Variants in SMG6 observed in about 807,000 individuals in gnomAD.
SMG6 encodes the protein SMG6 nonsense mediated mRNA decay factor.
In SMG6, 66 loss-of-function variants were observed where a neutral mutation model predicts 142.2. That is an observed-to-expected ratio of 0.46 (90% confidence interval 0.38 to 0.57). The LOEUF (loss-of-function observed/expected upper bound fraction) is 0.57, where lower values mean the gene tolerates loss of function less well. Among genes scored for constraint, SMG6 ranks in the 20% least tolerant of loss-of-function variants. The probability of loss-of-function intolerance (pLI) is 0.00; values close to 1 mark genes in which losing one functional copy is unlikely to be tolerated. For missense variants in SMG6, 1,793 were observed against 1,832.0 expected (o/e 0.98, Z 0.39); for synonymous variants, 779 against 702.4 (o/e 1.11, Z -1.72).
At chr17:2,107,909 T>C (rs568359460) in intron 13 of SMG6, among the ~76,000 whole-genome samples, 2 of 152,308 alleles carry the variant, frequency 1.3e-5, no homozygotes, top group East Asian at 1.9e-4. Context: ...GGTATTTTGT[T>C]GTTCTCCTTC....
intron 8 of SMG6, among the ~76,000 whole-genome samples, chr17:2,281,784 A>C (rs959293243): frequency 6.6e-6 from 1 of 151,978 alleles, no homozygotes. Context: ...GGTGAATTTT[A>C]CCCTTAAGGC....
At chr17:2,258,032 A>ATAT (rs1567724395) in intron 8 of SMG6, among the ~76,000 whole-genome samples, 1 of 111,350 alleles carries the variant, frequency 9.0e-6, no homozygotes, top group Non-Finnish European at 1.8e-5. Context: ...AAAAAAAAAA[A>ATAT]AAATATACAC....
At chr17:2,135,835 G>A (rs1029129281) in intron 13 of SMG6, among the ~76,000 whole-genome samples, 4 of 151,540 alleles carry the variant, frequency 2.6e-5, no homozygotes, top group East Asian at 2.0e-4. Context: ...GACTACAGGC[G>A]CTACCACCAT....
intron 13 of SMG6, among the ~76,000 whole-genome samples, chr17:2,108,447 T>C (rs1275137744): frequency 6.6e-6 from 1 of 152,104 alleles, no homozygotes; most frequent in African/African-American, 2.4e-5. Context: ...TGAAACCCTG[T>C]CTCTACTAAA....
intron 12 of SMG6, among the ~76,000 whole-genome samples, chr17:2,185,720 G>T (rs2071960322): frequency 6.6e-6 from 1 of 151,314 alleles, no homozygotes; most frequent in Admixed American, 6.6e-5. Flanking sequence ...GAGGCATGGT[G>T]AGAAGACGGA....
At position 2,303,693 on chromosome 17, in the gene SMG6, T is replaced by G. The variant is rs1377117722; in HGVS notation, c.28A>C (p.Ile10Leu). ...ATCCCGCGCAGCTCCGACGCGGAGATCCGCACACGCTCCAGCCCTTCCGCC... is the reference window on the plus strand; with the variant it reads ...ATCCCGCGCAGCTCCGACGCGGAGAGCCGCACACGCTCCAGCCCTTCCGCC... MAEGLERVR[I>L]SASELRGILA... The change falls in exon 1 of 19, where the codon ATC (isoleucine) becomes CTC (leucine). Residue 10 changes from isoleucine (I) to leucine (L), a missense_variant. By Grantham distance (5) the Ile-to-Leu change is conservative. Around this residue, in one of 3 missense-constraint regions of SMG6, gnomAD observed 1,597 missense variants for 1,584.6 expected, o/e 1.01. Transcript: ENST00000263073. 6.7e-7 allele frequency: 1 copy of G among 1,496,658 alleles called. No individual in the cohort carries two copies. The highest frequency in any genetic ancestry group is 8.9e-7 in the Non-Finnish European group (1 of 1,129,446). The allele number at this position is 1,496,658 out of a possible 1,614,324, so 92.7% of individuals were successfully genotyped here.
intron 13 of SMG6, among the ~76,000 whole-genome samples, chr17:2,142,072 T>C (rs1187319720): frequency 1.3e-5 from 2 of 152,062 alleles, no homozygotes; most frequent in South Asian, 2.1e-4. Flanking sequence ...AGGATCTCAC[T>C]ATGGCTGGAC....
At chr17:2,226,184 A>G (rs2073311451) in intron 10 of SMG6, among the ~76,000 whole-genome samples, 1 of 151,898 alleles carries the variant, frequency 6.6e-6, no homozygotes. Context: ...CTGAGGCAGA[A>G]GAATTGCTTG....
intron 13 of SMG6, among the ~76,000 whole-genome samples, chr17:2,165,709 C>T (rs9906467): frequency 0.35 from 53,044 of 152,054 alleles, 10,019 homozygotes; most frequent in African/African-American, 0.5. Context: ...TGAGACCATC[C>T]TGGGCAACAC....
intron 10 of SMG6, among the ~76,000 whole-genome samples, chr17:2,208,450 A>G (rs1052401642): frequency 6.6e-6 from 1 of 152,230 alleles, no homozygotes; most frequent in Non-Finnish European, 1.5e-5. Flanking sequence ...CCACTAGCCT[A>G]GAAATCCCAA....
At chr17:2,244,613 T>C in intron 9 of SMG6, 45 bp downstream of exon 9, 1 of 1,489,714 alleles carries the variant, frequency 6.7e-7, no homozygotes, top group Non-Finnish European at 9.4e-7. Context: ...AATTCCAAAA[T>C]GACTTGTAAT....
chr17:2,091,800 A>G (rs2068726223), intron 13 of SMG6, among the ~76,000 whole-genome samples: 1 of 151,152 alleles, frequency 6.6e-6, no homozygotes, highest in Admixed American at 6.6e-5. Flanking sequence ...CCTCCCGAGT[A>G]GCTGGGACTA....
intron 13 of SMG6, among the ~76,000 whole-genome samples, chr17:2,124,093 C>T (rs561192536): frequency 6.6e-6 from 1 of 152,322 alleles, no homozygotes; most frequent in Non-Finnish European, 1.5e-5. Context: ...CATTCCAGAA[C>T]AACAACCCAG....
chr17:2,069,067 T>A (rs1230766975), intron 15 of SMG6, 136 bp from the exon 16 acceptor site: 2 of 848,258 alleles, frequency 2.4e-6, no homozygotes, highest in East Asian at 2.7e-5. Context: ...CCAGTCCCCG[T>A]CGGGTCTCAG....
intron 8 of SMG6, among the ~76,000 whole-genome samples, chr17:2,258,062 C>CACACATATATATATAT (rs1555567107): frequency 8.3e-6 from 1 of 120,322 alleles, no homozygotes; most frequent in Non-Finnish European, 1.7e-5. Flanking sequence ...CACACACACA[C>CACACATATATATATAT]ACACATATAT....
intron 13 of SMG6, among the ~76,000 whole-genome samples, chr17:2,091,484 G>A (rs1470627585): frequency 2.6e-5 from 4 of 152,118 alleles, no homozygotes; most frequent in Non-Finnish European, 5.9e-5. Context: ...CTGTGCAGGG[G>A]CTGAATGATA....
chr17:2,227,045 C>G (rs1465860741), intron 10 of SMG6, among the ~76,000 whole-genome samples: 2 of 152,098 alleles, frequency 1.3e-5, no homozygotes, highest in Non-Finnish European at 2.9e-5. Flanking sequence ...CACACATTTA[C>G]TAGAATAGCT....
chr17:2,073,140 G>A (rs1449391816), intron 15 of SMG6, among the ~76,000 whole-genome samples: 1 of 152,040 alleles, frequency 6.6e-6, no homozygotes, highest in Non-Finnish European at 1.5e-5. Flanking sequence ...CTGGAGTGTA[G>A]TGGCGTGATC....
intron 10 of SMG6, 132 bp from the exon 11 acceptor site, chr17:2,188,647 G>T: frequency 1.4e-6 from 1 of 710,942 alleles, no homozygotes; most frequent in Non-Finnish European, 2.4e-6. Context: ...GTGGTCATAA[G>T]GCCAAGTAGA....
Sources: gnomAD v4.1 joint callset for allele counts (sites outside exome capture counted in the v4.1 genomes callset) on GRCh38, gnomAD v4.1.1 for gene constraint, gnomAD v4.1.1 regional missense constraint, MANE v1.5 for transcripts, NCBI Gene and HGNC (gene_info 2026-07-23, HGNC 2026-07-21) for gene names.